COPS7B: variants seen among roughly 807,000 people sequenced by gnomAD.
COPS7B encodes COP9 signalosome subunit 7B.
COPS7B carries 9 observed loss-of-function variants against 33.4 expected under a neutral mutation model. The ratio of observed to expected loss-of-function variants is 0.27; its 90% CI spans 0.16 to 0.47. The LOEUF (loss-of-function observed/expected upper bound fraction) is 0.47, where lower values mean the gene tolerates loss of function less well. Ranked by LOEUF, COPS7B falls within the 20% of genes least tolerant of loss-of-function variation. The probability of loss-of-function intolerance (pLI) is 0.99; values close to 1 mark genes in which losing one functional copy is unlikely to be tolerated. For synonymous variants in COPS7B, 119 were observed against 126.3 expected, an observed-to-expected ratio of 0.94 and a Z score of 0.39; for missense variants, 242 against 318.2, an observed-to-expected ratio of 0.76 and a Z score of 1.82.
intron 4 of COPS7B, among the ~76,000 whole-genome samples, chr2:231,795,856 T>C (rs1177895137): frequency 6.6e-6 from 1 of 152,194 alleles, no homozygotes; most frequent in Non-Finnish European, 1.5e-5. Context: ...ACAAGTATGC[T>C]GCAGCATGTG....
upstream of COPS7B, among the ~76,000 whole-genome samples, chr2:231,785,446 T>C (rs891544049): frequency 2.0e-5 from 3 of 152,168 alleles, no homozygotes; most frequent in Admixed American, 2.0e-4. Context: ...TTTTTTCCCC[T>C]TTTTGTCTGT....
intron 6 of COPS7B, among the ~76,000 whole-genome samples, chr2:231,806,650 C>T (rs2106349284): frequency 6.6e-6 from 1 of 152,184 alleles, no homozygotes; most frequent in African/African-American, 2.4e-5. Flanking sequence ...TTCTTCCTCT[C>T]AACGAACTGA....
At chr2:231,802,700 G>T (rs970209408) in intron 6 of COPS7B, among the ~76,000 whole-genome samples, 13 of 152,224 alleles carry the variant, frequency 8.5e-5, no homozygotes, top group African/African-American at 3.1e-4. Context: ...GGTTTAATTG[G>T]TTGACCTACC....
At position 231,788,475 on chromosome 2, in the gene COPS7B, G is replaced by A. The variant is rs2106309559; in HGVS notation, c.-16-80G>A. 2.1e-5 allele frequency: 27 copies of A among 1,276,530 alleles called. 1 individual carries two copies. The South Asian group carries it at 3.3e-4, about 15-fold the overall frequency. The allele number at this position is 1,276,530 out of a possible 1,614,324, so 79.1% of individuals were successfully genotyped here. A position where few individuals can be genotyped will look rare whatever the true frequency, so the allele number is the denominator to read the frequency against. On this transcript the variant is annotated intron_variant, in intron 1 of 6. Coordinates refer to ENST00000350033, the MANE Select transcript of COPS7B (RefSeq NM_022730.4). ...CAACACTATAAAAGTAAAGTATTCTGGTGTTTGATTCAGCACTGAATAGGC... is the reference window on the plus strand; with the variant it reads ...CAACACTATAAAAGTAAAGTATTCTAGTGTTTGATTCAGCACTGAATAGGC...
chr2:231,788,341 G>T (rs1438533078), intron 1 of COPS7B, among the ~76,000 whole-genome samples: 1 of 152,034 alleles, frequency 6.6e-6, no homozygotes, highest in Non-Finnish European at 1.5e-5. Context: ...TTGCCATGTT[G>T]CCCATACTGG....
intron 4 of COPS7B, among the ~76,000 whole-genome samples, chr2:231,794,657 G>T (rs767289044): frequency 6.6e-6 from 1 of 152,170 alleles, no homozygotes; most frequent in South Asian, 2.1e-4. Context: ...AAATAGCAAG[G>T]CATCTCAAGG....
intron 6 of COPS7B, among the ~76,000 whole-genome samples, chr2:231,806,193 T>A (rs1306643733): frequency 6.6e-6 from 1 of 152,136 alleles, no homozygotes; most frequent in African/African-American, 2.4e-5. Context: ...GACTGTCTCT[T>A]ACCCTCAAGC....
At chr2:231,795,848 A>G (rs2049551515) in intron 4 of COPS7B, among the ~76,000 whole-genome samples, 1 of 152,160 alleles carries the variant, frequency 6.6e-6, no homozygotes, top group African/African-American at 2.4e-5. Flanking sequence ...GGATCTCTAC[A>G]AGTATGCTGC....
upstream of COPS7B, among the ~76,000 whole-genome samples, chr2:231,782,623 A>G (rs1329263025): frequency 6.6e-6 from 1 of 152,202 alleles, no homozygotes; most frequent in Non-Finnish European, 1.5e-5. Context: ...GGTGAAGGAC[A>G]TGGTCACTGC....
Position 231,786,521 on chromosome 2 carries a change from G to A in COPS7B, c.-34G>A, listed in dbSNP as rs1158937976. 2 of 985,846 alleles carry A rather than the reference G, an allele frequency of 2.0e-6. No individual in the cohort carries two copies. The highest frequency in any genetic ancestry group is 9.4e-5 in the South Asian group (2 of 21,290). 61.1% of individuals were successfully genotyped at this position (985,846 alleles called of 1,614,324 possible). Reference sequence around the variant, plus strand: ...GGCCGAGCCAGCGACTAAGAGGACCGAGAGGTGGCGTGGACAGGTAGGAGC... The same window carrying A: ...GGCCGAGCCAGCGACTAAGAGGACCAAGAGGTGGCGTGGACAGGTAGGAGC... On this transcript the variant is annotated 5_prime_UTR_variant, in exon 1 of 7. Transcript: ENST00000350033.
chr2:231,783,107 TCATC>T (rs1213403921), upstream of COPS7B, among the ~76,000 whole-genome samples: 2 of 145,934 alleles, frequency 1.4e-5, no homozygotes, highest in Non-Finnish European at 3.1e-5. Flanking sequence ...TTTGTGAAAT[TCATC>T]CATGTTGTGT....
chr2:231,804,563 T>G (rs1236452650), intron 6 of COPS7B, among the ~76,000 whole-genome samples: 3 of 152,218 alleles, frequency 2.0e-5, no homozygotes, highest in Non-Finnish European at 4.4e-5. Context: ...GATTGTTTAG[T>G]AAAAATTATT....
At position 231,791,901 on chromosome 2, in the gene COPS7B, T is replaced by C; in HGVS notation, c.238+93T>C. The C allele has an allele frequency of 5.2e-6, 6 of 1,147,114 alleles. No individual in the cohort carries two copies. In the South Asian group the frequency reaches 7.5e-5, roughly 14 times the overall value. The allele number at this position is 1,147,114 out of a possible 1,614,324, so 71.1% of individuals were successfully genotyped here. A position where few individuals can be genotyped will look rare whatever the true frequency, so the allele number is the denominator to read the frequency against. ...GTTTGAGATATAAAGCATGGGGTAG[T>C]GGGGAGACTTCTTGACCTGGCTGCC... On this transcript the variant is annotated intron_variant, in intron 3 of 6. Transcript: ENST00000350033.
chr2:231,797,441 CA>C (rs1455706148), intron 5 of COPS7B, among the ~76,000 whole-genome samples: 3 of 152,222 alleles, frequency 2.0e-5, no homozygotes, highest in African/African-American at 4.8e-5. Flanking sequence ...TACCCCAACA[CA>C]AAAATGGTCT....
chr2:231,801,624 T>C (rs1196321394), intron 6 of COPS7B, among the ~76,000 whole-genome samples: 2 of 145,930 alleles, frequency 1.4e-5, no homozygotes, highest in Non-Finnish European at 3.0e-5. Flanking sequence ...TGATTTTTTT[T>C]CTTTTCTTTT....
chr2:231,788,452 A>G (rs957783389), intron 1 of COPS7B, 103 bp from the exon 2 acceptor site: 2 of 1,122,538 alleles, frequency 1.8e-6, no homozygotes, highest in Non-Finnish European at 2.5e-6. Context: ...TTCTTTATCA[A>G]CACTATAAAA....
At chr2:231,782,264 C>T (rs532923019), upstream of COPS7B, among the ~76,000 whole-genome samples, 19 of 152,298 alleles carry the variant, frequency 1.2e-4, no homozygotes, top group Admixed American at 7.2e-4. Context: ...GAATTATTCT[C>T]CTTGAACGGT....
At chr2:231,781,999 T>C, upstream of COPS7B, 1 of 950,728 alleles carries the variant, frequency 1.1e-6, no homozygotes, top group Non-Finnish European at 1.6e-6. Context: ...TATTTCAGGG[T>C]TTTTTGCTGT....
At chr2:231,794,052 T>G in intron 3 of COPS7B, 1 of 540,580 alleles carries the variant, frequency 1.8e-6, no homozygotes, top group Non-Finnish European at 3.3e-6. Flanking sequence ...TTTAGGAGAC[T>G]AAACTCTGTG....
Sources: gnomAD v4.1 joint callset for allele counts (sites outside exome capture counted in the v4.1 genomes callset) on GRCh38, gnomAD v4.1.1 for gene constraint, MANE v1.5 for transcripts, NCBI Gene and HGNC (gene_info 2026-07-23, HGNC 2026-07-21) for gene names.